The following ZFP91 variants were observed in gnomAD, a reference collection of about 807,000 sequenced individuals.
ZFP91 encodes ZFP91 zinc finger protein, atypical E3 ubiquitin ligase, also known as E3 ubiquitin-protein ligase ZFP91.
A neutral mutation model predicts 63.5 loss-of-function variants in ZFP91; 7 were observed. That is an observed-to-expected ratio of 0.11 (90% CI 0.06 to 0.21). The LOEUF (loss-of-function observed/expected upper bound fraction) is 0.21. ZFP91 is among the 10% of genes least tolerant of loss of function. The pLI, the probability that ZFP91 is intolerant of heterozygous loss-of-function variation, is 1.00. For missense variants in ZFP91, 628 were observed against 736.6 expected, an observed-to-expected ratio of 0.85 and a Z score of 1.71; for synonymous variants, 330 against 272.1, an observed-to-expected ratio of 1.21 and a Z score of -2.10.
At position 58,579,554 on chromosome 11, in the gene ZFP91, C is replaced by A; in HGVS notation, c.273C>A (p.Val91=). The A allele has an allele frequency of 6.3e-7, 1 of 1,583,992 alleles. No homozygotes were observed. Among genetic ancestry groups the A allele is most frequent in the Non-Finnish European group, 8.6e-7 (1 of 1,168,684 alleles). The part of the protein sequence containing the change: ...RSSPSARPPD[V]PGQQPQAAKS... Reference sequence around the variant, plus strand: ...GCCCCAGCGCCAGGCCTCCCGACGTCCCCGGGCAGCAGCCCCAGGCCGCGA... The same window carrying A: ...GCCCCAGCGCCAGGCCTCCCGACGTACCCGGGCAGCAGCCCCAGGCCGCGA... Residue 91 remains valine (V), a synonymous_variant, in exon 1 of 11, where the codon GTC becomes GTA. Transcript: ENST00000316059.
chr11:58,589,202 G>C (rs893726508), intron 2 of ZFP91, among the ~76,000 whole-genome samples: 33 of 152,066 alleles, frequency 2.2e-4, no homozygotes, highest in African/African-American at 6.3e-4. Flanking sequence ...TTCCCAAGTA[G>C]CTGGGACTAC....
rs1426888213 is a variant in ZFP91 at position 58,619,743 on chromosome 11, AAGAT to A, written c.*2041_*2044del. ...TAATATGGGGATAGAAAATGGAATA[AAGAT>A]AGAAGGGATGTAGAATATGCTTTCC... is the stretch of plus-strand genomic sequence containing the variant. On this transcript the variant is annotated 3_prime_UTR_variant, in exon 11 of 11. Coordinates refer to ENST00000316059, the MANE Select transcript of ZFP91 (RefSeq NM_053023.5). 1 of 152,632 alleles carries A rather than the reference AAGAT, an allele frequency of 6.6e-6. No homozygotes were observed. The highest frequency in any genetic ancestry group is 2.4e-5 in the African/African-American group (1 of 41,454). The allele number at this position is 152,632 out of a possible 1,614,324, so 9.5% of individuals were successfully genotyped here.
At chr11:58,591,611 A>G (rs1448139236) in intron 2 of ZFP91, among the ~76,000 whole-genome samples, 2 of 151,836 alleles carry the variant, frequency 1.3e-5, no homozygotes, top group African/African-American at 2.4e-5. Flanking sequence ...CTCACCCCCA[A>G]CCCTAGGCAA....
chr11:58,615,134 T>G (rs932812611), intron 9 of ZFP91, among the ~76,000 whole-genome samples: 3 of 152,210 alleles, frequency 2.0e-5, no homozygotes, highest in African/African-American at 7.2e-5. Context: ...CTCTGTGTAT[T>G]AAGGATACCA....
At chr11:58,580,788 CTAAGT>C (rs1214127902) in intron 1 of ZFP91, among the ~76,000 whole-genome samples, 2 of 152,302 alleles carry the variant, frequency 1.3e-5, no homozygotes, top group Admixed American at 6.5e-5. Flanking sequence ...TGAATGTCAG[CTAAGT>C]TAACATAATT....
chr11:58,612,111 T>C (rs1464262392), intron 6 of ZFP91, 167 bp from the exon 7 acceptor site: 1 of 675,996 alleles, frequency 1.5e-6, no homozygotes, highest in East Asian at 2.7e-5. Context: ...TACTTCAGGG[T>C]AAAATTACTT....
chr11:58,605,484 T>A (rs1855555679), intron 2 of ZFP91, among the ~76,000 whole-genome samples: 1 of 152,238 alleles, frequency 6.6e-6, no homozygotes. Flanking sequence ...TAATCTGTTT[T>A]TGATTTTCTG....
rs748033278 is a variant in ZFP91 at position 58,579,558 on chromosome 11, G to C, written c.277G>C (p.Gly93Arg). ...CAGCGCCAGGCCTCCCGACGTCCCC[G>C]GGCAGCAGCCCCAGGCCGCGAAGTC... ...SPSARPPDVP[G>R]QQPQAAKSPS... is the part of the protein sequence containing the mutation. Residue 93 changes from glycine (G) to arginine (R), a missense_variant, in exon 1 of 11, where the codon GGG (glycine) becomes CGG (arginine). Transcript: ENST00000316059. The C allele has an allele frequency of 6.3e-7, 1 of 1,584,298 alleles. No homozygotes were observed. Among genetic ancestry groups the C allele is most frequent in the Non-Finnish European group, 8.6e-7 (1 of 1,168,736 alleles).
chr11:58,614,054 A>C (rs1855709638), intron 8 of ZFP91, among the ~76,000 whole-genome samples, 175 bp from the exon 9 acceptor site: 1 of 152,204 alleles, frequency 6.6e-6, no homozygotes, highest in Admixed American at 6.5e-5. Flanking sequence ...CAGATTGGAA[A>C]CCAGGTCTGT....
Position 58,600,845 on chromosome 11 carries a change from G to T in ZFP91, c.371-8985G>T, listed in dbSNP as rs1032917905. 3.9e-5 allele frequency among the ~76,000 whole-genome samples: 6 copies of T among 152,144 alleles called. No homozygotes were observed. In the East Asian group the frequency reaches 1.2e-3, roughly 29 times the overall value. Reference sequence around the variant, plus strand: ...AGTTCAATTCTATTCCCAGTTTTTTGTGTGTTCTTATCATGAAAGTTTAAT... The same window carrying T: ...AGTTCAATTCTATTCCCAGTTTTTTTTGTGTTCTTATCATGAAAGTTTAAT... On this transcript the variant is annotated intron_variant, in intron 2 of 10. Coordinates refer to ENST00000316059, the MANE Select transcript of ZFP91 (RefSeq NM_053023.5).
At chr11:58,614,193 T>A (rs1202770028) in intron 8 of ZFP91, 36 bp from the exon 9 acceptor site, 7 of 1,401,260 alleles carry the variant, frequency 5.0e-6, no homozygotes, top group Non-Finnish European at 6.8e-6. Flanking sequence ...AGCCTTAATT[T>A]TTTTTTTTTC....
intron 1 of ZFP91, among the ~76,000 whole-genome samples, chr11:58,580,896 G>A (rs1292124000): frequency 6.6e-6 from 1 of 152,164 alleles, no homozygotes; most frequent in Non-Finnish European, 1.5e-5. Flanking sequence ...TGCTGTAGAT[G>A]CATTTCATCT....
chr11:58,621,476 C>T lies in ZFP91; in HGVS notation c.*3770C>T, dbSNP rs1194762520. ...ATCCTTCTGCCTTCCAAAAGCCATG[C>T]TGTGATAGCTGCCCAGGCTGCTCTG... is the stretch of plus-strand genomic sequence containing the variant. On this transcript the variant is annotated 3_prime_UTR_variant, in exon 11 of 11. Coordinates refer to ENST00000316059, the MANE Select transcript of ZFP91 (RefSeq NM_053023.5). 6.6e-6 allele frequency among the ~76,000 whole-genome samples: 1 copy of T among 152,146 alleles called. No homozygotes were observed. Among genetic ancestry groups the T allele is most frequent in the Non-Finnish European group, 1.5e-5 (1 of 68,018 alleles).
At chr11:58,588,087 T>C (rs1855242375) in intron 2 of ZFP91, among the ~76,000 whole-genome samples, 1 of 152,192 alleles carries the variant, frequency 6.6e-6, no homozygotes, top group African/African-American at 2.4e-5. Context: ...ACCCCCTTTT[T>C]AAAGAGCATT....
At chr11:58,607,979 C>G (rs1359505611) in intron 2 of ZFP91, among the ~76,000 whole-genome samples, 3 of 151,790 alleles carry the variant, frequency 2.0e-5, no homozygotes, top group Non-Finnish European at 4.4e-5. Flanking sequence ...GGTGAAATTA[C>G]TACACATATT....
intron 2 of ZFP91, among the ~76,000 whole-genome samples, chr11:58,588,652 A>G (rs1855252037): frequency 6.6e-6 from 1 of 152,170 alleles, no homozygotes; most frequent in Non-Finnish European, 1.5e-5. Context: ...CCTCTTGTCA[A>G]CTTGCAACCT....
At position 58,617,607 on chromosome 11, in the gene ZFP91, C is replaced by T. The variant is rs138212965; in HGVS notation, c.1614C>T (p.Ser538=). 7.0e-5 allele frequency: 112 copies of T among 1,604,220 alleles called. 2 individuals are homozygous for T. In the South Asian group the frequency reaches 1.1e-3, roughly 16 times the overall value. ...CTGATGGGAAGATCTTTGTGGGAAGCGGCAGCAGTGGAGGCACTGAAGGGC... is the reference window on the plus strand; with the variant it reads ...CTGATGGGAAGATCTTTGTGGGAAGTGGCAGCAGTGGAGGCACTGAAGGGC... ...LMADGKIFVG[S]GSSGGTEGLV... is the part of the protein sequence containing the mutation. The change falls in exon 11 of 11, where the codon AGC becomes AGT. Residue 538 remains serine (S), a synonymous_variant. Coordinates refer to ENST00000316059, the MANE Select transcript of ZFP91 (RefSeq NM_053023.5). This position sits in a 1 kb window ranked among gnomAD's most constrained non-coding sequence, Gnocchi z 4.2.
chr11:58,580,169 C>T (rs1230791631), intron 1 of ZFP91, among the ~76,000 whole-genome samples: 1 of 150,670 alleles, frequency 6.6e-6, no homozygotes, highest in Non-Finnish European at 1.5e-5. Flanking sequence ...TTATTATGGT[C>T]AGGTTAAAAG....
intron 5 of ZFP91, 55 bp downstream of exon 5, chr11:58,611,109 T>C (rs1275954362): frequency 6.0e-6 from 9 of 1,490,426 alleles, no homozygotes; most frequent in Non-Finnish European, 7.4e-6. Context: ...AGGAAAGCAC[T>C]GTTGCATGCT....
Sources: gnomAD v4.1 joint callset for allele counts (sites outside exome capture counted in the v4.1 genomes callset) on GRCh38, gnomAD v4.1.1 for gene constraint, Gnocchi (gnomAD v3.1) non-coding constraint, MANE v1.5 for transcripts, NCBI Gene and HGNC (gene_info 2026-07-23, HGNC 2026-07-21) for gene names.